Variants in EVX2 observed in about 807,000 individuals in gnomAD.
EVX2 encodes homeobox even-skipped homolog protein 2.
A neutral mutation model predicts 19.2 loss-of-function variants in EVX2; 10 were observed. That is an observed-to-expected ratio of 0.52 (90% CI 0.32 to 0.89). EVX2 has a LOEUF of 0.89. Ranked by LOEUF, EVX2 falls within the 40% of genes least tolerant of loss-of-function variation. The pLI is 0.03. For missense variants in EVX2, 710 were observed against 694.9 expected (o/e 1.02, Z -0.24); for synonymous variants, 354 against 328.4 (o/e 1.08, Z -0.84).
rs763733643 is a variant in EVX2, at chr2:176,082,286, G to C, written c.591C>G (p.Arg197=). ...QVRRYRTAFT[R]EQIARLEKEF... ...CCTTCTCCAGGCGCGCGATCTGCTC[G>C]CGGGTGAACGCCGTACGGTAGCGCC... The change falls in exon 2 of 3, where the codon CGC becomes CGG. Residue 197 remains arginine, a synonymous_variant. Transcript: ENST00000308618. This position sits in a 1 kb window ranked among gnomAD's most constrained non-coding sequence, Gnocchi z 5.2. 26 of 1,601,572 alleles carry C rather than the reference G, an allele frequency of 1.6e-5. No homozygotes were observed. The highest frequency in any genetic ancestry group is 1.1e-4 in the South Asian group (10 of 90,798).
At position 176,082,161 on chromosome 2, in the gene EVX2, T is replaced by G. The variant is rs2105371973; in HGVS notation, c.699+17A>C. 2 of 1,559,074 alleles carry G rather than the reference T, an allele frequency of 1.3e-6. No homozygotes were observed. Among genetic ancestry groups the G allele is most frequent in the Non-Finnish European group, 1.7e-6 (2 of 1,152,836 alleles). ...GCCCCCGGGGAGGCCAGAGCAGGCA[T>G]GCACTGGAATTGATACCTTGATGGT... On this transcript the variant is annotated intron_variant, in intron 2 of 2. Coordinates refer to ENST00000308618, the MANE Select transcript of EVX2 (RefSeq NM_001080458.2). This position sits in a 1 kb window ranked among gnomAD's most constrained non-coding sequence, Gnocchi z 5.2.
At position 176,079,897 on chromosome 2, in the gene EVX2, A is replaced by T; in HGVS notation, c.*210T>A. 1 of 457,724 alleles carries T rather than the reference A, an allele frequency of 2.2e-6. No homozygotes were observed. Among genetic ancestry groups the T allele is most frequent in the Non-Finnish European group, 3.7e-6 (1 of 273,952 alleles). 28.4% of individuals were successfully genotyped at this position (457,724 alleles called of 1,614,324 possible). A position where few individuals can be genotyped will look rare whatever the true frequency, so the allele number is the denominator to read the frequency against. ...ACGGCTGGGTGGCAAATACAAAAATAGAAATAATTTAGGGGGATGCCCGCC... is the reference window on the plus strand; with the variant it reads ...ACGGCTGGGTGGCAAATACAAAAATTGAAATAATTTAGGGGGATGCCCGCC... On this transcript the variant is annotated 3_prime_UTR_variant, in exon 3 of 3. Coordinates refer to ENST00000308618, the MANE Select transcript of EVX2 (RefSeq NM_001080458.2). This position sits in a 1 kb window ranked among gnomAD's most constrained non-coding sequence, Gnocchi z 4.4.
chr2:176,083,347 T>C lies in EVX2; in HGVS notation c.427+3A>G. ...GAGAGCGCGGTGCGGCCGGCGCGGT[T>C]ACCTTTGCCATTGTTTTCCTTAAGC... On this transcript the variant is annotated splice_donor_region_variant and intron_variant, in intron 1 of 2. Coordinates refer to ENST00000308618, the MANE Select transcript of EVX2 (RefSeq NM_001080458.2). This position sits in a 1 kb window ranked among gnomAD's most constrained non-coding sequence, Gnocchi z 4.4. The C allele has an allele frequency of 2.5e-6, 4 of 1,577,606 alleles. No homozygotes were observed. In the South Asian group the frequency reaches 4.6e-5, roughly 18 times the overall value.
In EVX2 at chr2:176,083,491, C is replaced by T. The variant is rs1379226242; in HGVS notation, c.286G>A (p.Ala96Thr). 3 of 1,614,176 alleles carry T rather than the reference C, an allele frequency of 1.9e-6. No individual in the cohort carries two copies. In the South Asian group the frequency reaches 3.3e-5, roughly 18 times the overall value. ...STVSSEISSA[A>T]ESRKKPGHYS... ...TGGCCCGGCTTCTTGCGGCTCTCGGCGGCGGAGGAGATTTCGGAGGAGACG... is the reference window on the plus strand; with the variant it reads ...TGGCCCGGCTTCTTGCGGCTCTCGGTGGCGGAGGAGATTTCGGAGGAGACG... The change falls in exon 1 of 3, where the codon GCC becomes ACC. Residue 96 changes from alanine (A) to threonine (T), a missense_variant. Ala to Thr is a moderately conservative substitution (Grantham distance 58). Coordinates refer to ENST00000308618, the MANE Select transcript of EVX2 (RefSeq NM_001080458.2). This position sits in a 1 kb window ranked among gnomAD's most constrained non-coding sequence, Gnocchi z 4.4.
rs1301470715 is a variant in EVX2, at chr2:176,078,138, G to T, written c.*1969C>A. On this transcript the variant is annotated 3_prime_UTR_variant, in exon 3 of 3. Coordinates refer to ENST00000308618, the MANE Select transcript of EVX2 (RefSeq NM_001080458.2). ...TACTGAAAGCCTATATTTAGGAAAT[G>T]ATATTTTAAAATCCAGTGTCTTTAA... The T allele has an allele frequency of 6.6e-6, 1 of 152,124 alleles. No homozygotes were observed. Among genetic ancestry groups the T allele is most frequent in the African/African-American group, 2.4e-5 (1 of 41,420 alleles). 9.4% of individuals were successfully genotyped at this position (152,124 alleles called of 1,614,324 possible).
In EVX2 at chr2:176,079,208, A is replaced by G. The variant is rs1397098413; in HGVS notation, c.*899T>C. ...AAACGCCTCTCCAAATACTACAGCG[A>G]TCTATCAGTCTTACCCCTACCCCAA... On this transcript the variant is annotated 3_prime_UTR_variant, in exon 3 of 3. Coordinates refer to ENST00000308618, the MANE Select transcript of EVX2 (RefSeq NM_001080458.2). This position sits in a 1 kb window ranked among gnomAD's most constrained non-coding sequence, Gnocchi z 4.4. The G allele has an allele frequency of 6.6e-6, 1 of 152,170 alleles. No individual in the cohort carries two copies. The highest frequency in any genetic ancestry group is 6.6e-5 in the Admixed American group (1 of 15,260). The allele number at this position is 152,170 out of a possible 1,614,324, so 9.4% of individuals were successfully genotyped here.
chr2:176,080,257 C>CCCGCCGCCGCCGCCACCACCA lies in EVX2; in HGVS notation c.1260_1280dup (p.Gly422_Gly428dup). 7.6e-7 allele frequency: 1 copy of CCCGCCGCCGCCGCCACCACCA among 1,316,752 alleles called. No homozygotes were observed. Among genetic ancestry groups the CCCGCCGCCGCCGCCACCACCA allele is most frequent in the Non-Finnish European group, 9.7e-7 (1 of 1,033,584 alleles). 81.6% of individuals were successfully genotyped at this position (1,316,752 alleles called of 1,614,324 possible). ...CCGAGCCTCCCCCGGCCCCGGCGCC[C>CCCGCCGCCGCCGCCACCACCA]CCGCCGCCGCCGCCACCACCACCAC... On this transcript the variant is annotated inframe_insertion, in exon 3 of 3. Coordinates refer to ENST00000308618, the MANE Select transcript of EVX2 (RefSeq NM_001080458.2). The surrounding 1 kb of genome is among the most constrained non-coding windows in gnomAD (Gnocchi z 7.0).
In EVX2 at chr2:176,081,305, C is replaced by T. The variant is rs553673006; in HGVS notation, c.700-467G>A. On this transcript the variant is annotated intron_variant, in intron 2 of 2. Transcript: ENST00000308618. The surrounding 1 kb of genome is among the most constrained non-coding windows in gnomAD (Gnocchi z 5.9). ...CCCTCCGAACTGCAAGGACCTGCCCCTAGGGGCACGGGTCCGATTTTGATA... is the reference window on the plus strand; with the variant it reads ...CCCTCCGAACTGCAAGGACCTGCCCTTAGGGGCACGGGTCCGATTTTGATA... Among the ~76,000 whole-genome samples, 2 of 152,286 alleles carry T rather than the reference C, an allele frequency of 1.3e-5. No homozygotes were observed. The highest frequency in any genetic ancestry group is 2.9e-5 in the Non-Finnish European group (2 of 68,006).
Position 176,080,311 on chromosome 2 carries a change from C to G in EVX2, c.1227G>C (p.Leu409=). The part of the protein sequence containing the change: ...AAAAAAAAAA[L]GSRGGGGGGG... ...CGCCGCCACCGCCACCCCGGGAACC[C>G]AGGGCTGCGGCAGCTGCTGCCGCGG... Residue 409 remains leucine (L), a synonymous_variant, in exon 3 of 3, where the codon CTG becomes CTC. Transcript: ENST00000308618. The surrounding 1 kb of genome is among the most constrained non-coding windows in gnomAD (Gnocchi z 7.0). 7.6e-6 allele frequency: 10 copies of G among 1,318,544 alleles called. No individual in the cohort carries two copies. Among genetic ancestry groups the G allele is most frequent in the Non-Finnish European group, 9.7e-6 (10 of 1,026,380 alleles). 81.7% of individuals were successfully genotyped at this position (1,318,544 alleles called of 1,614,324 possible).
chr2:176,082,165 C>A lies in EVX2; in HGVS notation c.699+13G>T. The stretch of plus-strand genomic sequence containing the variant: ...CCGGGGAGGCCAGAGCAGGCATGCA[C>A]TGGAATTGATACCTTGATGGTGGTT... On this transcript the variant is annotated intron_variant, in intron 2 of 2. Coordinates refer to ENST00000308618, the MANE Select transcript of EVX2 (RefSeq NM_001080458.2). The surrounding 1 kb of genome is among the most constrained non-coding windows in gnomAD (Gnocchi z 5.2). 2.6e-6 allele frequency: 4 copies of A among 1,567,040 alleles called. No homozygotes were observed. The highest frequency in any genetic ancestry group is 2.6e-6 in the Non-Finnish European group (3 of 1,156,756).
At position 176,081,846 on chromosome 2, in the gene EVX2, C is replaced by A. The variant is rs1208589722; in HGVS notation, c.699+332G>T. On this transcript the variant is annotated intron_variant, in intron 2 of 2. Coordinates refer to ENST00000308618, the MANE Select transcript of EVX2 (RefSeq NM_001080458.2). The surrounding 1 kb of genome is among the most constrained non-coding windows in gnomAD (Gnocchi z 5.9). ...TCACCTCTGGTTCCTGCTTGAGGAA[C>A]AAAGACCAACTGGGCTTGCCGCCTA... 2.0e-5 allele frequency among the ~76,000 whole-genome samples: 3 copies of A among 152,164 alleles called. No individual in the cohort carries two copies. The highest frequency in any genetic ancestry group is 7.2e-5 in the African/African-American group (3 of 41,442).
Position 176,082,377 on chromosome 2 carries a change from C to A in EVX2, c.500G>T (p.Gly167Val). Residue 167 changes from glycine (G) to valine (V), a missense_variant, in exon 2 of 3, where the codon GGA (glycine) becomes GTA (valine). Gly to Val is a moderately radical substitution (Grantham distance 109). Transcript: ENST00000308618. The surrounding 1 kb of genome is among the most constrained non-coding windows in gnomAD (Gnocchi z 5.2). ...ASGSGLGSLHGGSGGSGGSAA... is the reference protein window; with the variant it reads ...ASGSGLGSLHVGSGGSGGSAA... Reference sequence around the variant, plus strand: ...GCTCCCGCCGCTGCCTCCGCTGCCTCCATGCAGGCTTCCGAGGCCTGAGCC... The same window carrying A: ...GCTCCCGCCGCTGCCTCCGCTGCCTACATGCAGGCTTCCGAGGCCTGAGCC... 2 of 1,603,872 alleles carry A rather than the reference C, an allele frequency of 1.2e-6. No individual in the cohort carries two copies. Among genetic ancestry groups the A allele is most frequent in the Middle Eastern group, 1.7e-4 (1 of 6,004 alleles).
Position 176,080,983 on chromosome 2 carries a change from TC to T in EVX2, c.700-146del. 9.0e-7 allele frequency: 1 copy of T among 1,112,470 alleles called. No individual in the cohort carries two copies. The highest frequency in any genetic ancestry group is 1.6e-5 in the African/African-American group (1 of 62,736). The allele number at this position is 1,112,470 out of a possible 1,614,324, so 68.9% of individuals were successfully genotyped here. A position where few individuals can be genotyped will look rare whatever the true frequency, so the allele number is the denominator to read the frequency against. On this transcript the variant is annotated intron_variant, in intron 2 of 2. Transcript: ENST00000308618. This position sits in a 1 kb window ranked among gnomAD's most constrained non-coding sequence, Gnocchi z 7.0. ...GCCCAACCCCGAGTACCCTGTGGTCTCCCAGCTGGGAAAGTGTGGACGGCAG... is the reference window on the plus strand; with the variant it reads ...GCCCAACCCCGAGTACCCTGTGGTCTCCAGCTGGGAAAGTGTGGACGGCAG...
chr2:176,083,356 C>A lies in EVX2; in HGVS notation c.421G>T (p.Gly141Cys). The change falls in exon 1 of 3, where the codon GGC (glycine) becomes TGC (cysteine). Residue 141 changes from glycine (G) to cysteine (C), a missense_variant. By Grantham distance (159) the Gly-to-Cys change is radical. Coordinates refer to ENST00000308618, the MANE Select transcript of EVX2 (RefSeq NM_001080458.2). The surrounding 1 kb of genome is among the most constrained non-coding windows in gnomAD (Gnocchi z 4.4). ...LGAAQLKENNGKGYAESGSAA... is the reference protein window; with the variant it reads ...LGAAQLKENNCKGYAESGSAA... ...GTGCGGCCGGCGCGGTTACCTTTGC[C>A]ATTGTTTTCCTTAAGCTGAGCGGCG... is the stretch of plus-strand genomic sequence containing the variant. The A allele has an allele frequency of 3.1e-6, 5 of 1,589,096 alleles. No homozygotes were observed. Among genetic ancestry groups the A allele is most frequent in the Non-Finnish European group, 4.3e-6 (5 of 1,166,594 alleles).
Position 176,083,236 on chromosome 2 carries a change from G to T in EVX2, c.427+114C>A. The T allele has an allele frequency of 8.9e-7, 1 of 1,117,516 alleles. No homozygotes were observed. The highest frequency in any genetic ancestry group is 1.3e-6 in the Non-Finnish European group (1 of 790,228). The allele number at this position is 1,117,516 out of a possible 1,614,324, so 69.2% of individuals were successfully genotyped here. On this transcript the variant is annotated intron_variant, in intron 1 of 2. Transcript: ENST00000308618. The surrounding 1 kb of genome is among the most constrained non-coding windows in gnomAD (Gnocchi z 4.4). ...CCGCCCCCGCCCGTGCTAGCTCGGTGTAGCTTGCCTGTGGAGGGTCTGAGA... is the reference window on the plus strand; with the variant it reads ...CCGCCCCCGCCCGTGCTAGCTCGGTTTAGCTTGCCTGTGGAGGGTCTGAGA...
In EVX2 at chr2:176,079,855, A is replaced by G. The variant is rs1574937043; in HGVS notation, c.*252T>C. On this transcript the variant is annotated 3_prime_UTR_variant, in exon 3 of 3. Coordinates refer to ENST00000308618, the MANE Select transcript of EVX2 (RefSeq NM_001080458.2). This position sits in a 1 kb window ranked among gnomAD's most constrained non-coding sequence, Gnocchi z 4.4. ...GGAAAGTGGGTCCCGGGAGCCAGAA[A>G]AGAGAGAGAAGGGCAGACGGCTGGG... 5.6e-6 allele frequency: 2 copies of G among 359,196 alleles called. No homozygotes were observed. Among genetic ancestry groups the G allele is most frequent in the South Asian group, 7.6e-5 (1 of 13,092 alleles). The allele number at this position is 359,196 out of a possible 1,614,324, so 22.3% of individuals were successfully genotyped here.
At position 176,079,311 on chromosome 2, in the gene EVX2, A is replaced by C. The variant is rs1357907130; in HGVS notation, c.*796T>G. On this transcript the variant is annotated 3_prime_UTR_variant, in exon 3 of 3. Coordinates refer to ENST00000308618, the MANE Select transcript of EVX2 (RefSeq NM_001080458.2). The surrounding 1 kb of genome is among the most constrained non-coding windows in gnomAD (Gnocchi z 4.4). ...TGCATAAAATATGCAAGATGCTTCC[A>C]TTCCATCAGCACTGAAACCAAAGAC... 5 of 152,144 alleles carry C rather than the reference A, an allele frequency of 3.3e-5. No individual in the cohort carries two copies. The highest frequency in any genetic ancestry group is 1.2e-4 in the African/African-American group (5 of 41,406). The allele number at this position is 152,144 out of a possible 1,614,324, so 9.4% of individuals were successfully genotyped here.
In EVX2 at chr2:176,083,216, C is replaced by G; in HGVS notation, c.427+134G>C. 3.2e-6 allele frequency: 3 copies of G among 942,936 alleles called. No homozygotes were observed. The highest frequency in any genetic ancestry group is 5.3e-5 in the East Asian group (2 of 37,978). 58.4% of individuals were successfully genotyped at this position (942,936 alleles called of 1,614,324 possible). A position where few individuals can be genotyped will look rare whatever the true frequency, so the allele number is the denominator to read the frequency against. ...CACGGTCCCAGACATGCGTCCCGCC[C>G]CCGCCCGTGCTAGCTCGGTGTAGCT... On this transcript the variant is annotated intron_variant, in intron 1 of 2. Coordinates refer to ENST00000308618, the MANE Select transcript of EVX2 (RefSeq NM_001080458.2). This position sits in a 1 kb window ranked among gnomAD's most constrained non-coding sequence, Gnocchi z 4.4.
rs1406158953 is a variant in EVX2 at position 176,077,665 on chromosome 2, A to T, written c.*2442T>A. 1 of 152,174 alleles carries T rather than the reference A, an allele frequency of 6.6e-6. No individual in the cohort carries two copies. The highest frequency in any genetic ancestry group is 1.9e-4 in the East Asian group (1 of 5,200). The allele number at this position is 152,174 out of a possible 1,614,324, so 9.4% of individuals were successfully genotyped here. A position where few individuals can be genotyped will look rare whatever the true frequency, so the allele number is the denominator to read the frequency against. On this transcript the variant is annotated 3_prime_UTR_variant, in exon 3 of 3. Coordinates refer to ENST00000308618, the MANE Select transcript of EVX2 (RefSeq NM_001080458.2). ...GATCCAATGGACCCAACAAATGATG[A>T]ATTTATGTTAATTTTACCAACCAGC...
Sources: allele counts gnomAD v4.1 joint callset (sites outside exome capture counted in the v4.1 genomes callset), GRCh38; gene constraint gnomAD v4.1.1; non-coding constraint Gnocchi (gnomAD v3.1); transcripts MANE v1.5; gene names NCBI Gene and HGNC (gene_info 2026-07-23, HGNC 2026-07-21).